PADI6: variants seen among roughly 807,000 people sequenced by gnomAD.
PADI6 encodes inactive protein-arginine deiminase type-6.
Under a neutral mutation model 78.2 loss-of-function variants are expected in PADI6, and 66 were observed. That is an observed-to-expected ratio of 0.84 (90% CI 0.69 to 1.04). PADI6 has a LOEUF of 1.04. Ranked by LOEUF, PADI6 falls within the 50% of genes least tolerant of loss-of-function variation. The pLI is 0.00. For synonymous variants in PADI6, 397 were observed against 346.9 expected (o/e 1.14, Z -1.60); for missense variants, 854 against 866.1 (o/e 0.99, Z 0.18).
At position 17,380,376 on chromosome 1, in the gene PADI6, AT is replaced by A. The variant is rs572210244; in HGVS notation, c.435+398del. Among the ~76,000 whole-genome samples, 37 of 146,798 alleles carry A rather than the reference AT, an allele frequency of 2.5e-4. No homozygotes were observed. In the East Asian group the frequency reaches 5.2e-3, roughly 21 times the overall value. On this transcript the variant is annotated intron_variant, in intron 4 of 15. Coordinates refer to ENST00000619609, the MANE Select transcript of PADI6 (RefSeq NM_207421.4). ...AAGCGTGTGCCACCACACCTGGCTAATTTTTTTTTGAGACGGAGTCTCGCTC... is the reference window on the plus strand; with the variant it reads ...AAGCGTGTGCCACCACACCTGGCTAATTTTTTTTGAGACGGAGTCTCGCTC...
chr1:17,394,272 C>A (rs1188624455), intron 10 of PADI6, 28 bp from the exon 11 acceptor site: 1 of 1,608,226 alleles, frequency 6.2e-7, no homozygotes, highest in East Asian at 2.2e-5. Context: ...CTACTAACAC[C>A]CCTTCCCTGG....
At chr1:17,393,944 G>A (rs187517746) in intron 9 of PADI6, 31 bp from the exon 10 acceptor site, 43 of 1,593,816 alleles carry the variant, frequency 2.7e-5, no homozygotes, top group Admixed American at 8.3e-5. Context: ...ATGTGTGACT[G>A]GCAAACAATC....
chr1:17,374,997 A>C (rs1185287462), intron 2 of PADI6, among the ~76,000 whole-genome samples: 2 of 152,138 alleles, frequency 1.3e-5, no homozygotes, highest in Non-Finnish European at 2.9e-5. Context: ...AAGCCACCAG[A>C]GGCCTGTTTC....
intron 9 of PADI6, among the ~76,000 whole-genome samples, chr1:17,393,124 T>TG (rs2075205488): frequency 6.6e-6 from 1 of 151,956 alleles, no homozygotes; most frequent in Non-Finnish European, 1.5e-5. Context: ...CCAGCCTGGA[T>TG]GACAGAGCGA....
At chr1:17,384,312 G>GGC (rs1236370692) in intron 6 of PADI6, among the ~76,000 whole-genome samples, 1 of 152,044 alleles carries the variant, frequency 6.6e-6, no homozygotes, top group Non-Finnish European at 1.5e-5. Context: ...TCTAGAAACA[G>GGC]GCTGGGTGTG....
chr1:17,394,195 G>A (rs1343501133), intron 10 of PADI6, 105 bp from the exon 11 acceptor site: 4 of 1,552,380 alleles, frequency 2.6e-6, no homozygotes, highest in East Asian at 4.6e-5. Flanking sequence ...CTCTGAGGGG[G>A]GAGGGGACGT....
At chr1:17,383,849 A>G (rs1427882772) in intron 6 of PADI6, among the ~76,000 whole-genome samples, 1 of 151,664 alleles carries the variant, frequency 6.6e-6, no homozygotes, top group Non-Finnish European at 1.5e-5. Context: ...TTTTAAAAAA[A>G]CTTATTCAAC....
intron 10 of PADI6, 57 bp downstream of exon 10, chr1:17,394,139 TGCCTA>T: frequency 6.3e-7 from 1 of 1,579,546 alleles, no homozygotes; most frequent in Admixed American, 1.7e-5. Flanking sequence ...GCCTGGGGCC[TGCCTA>T]GAAATAATGG....
rs560122599 is a variant in PADI6 at position 17,387,482 on chromosome 1, C to T, written c.680-899C>T. Reference sequence around the variant, plus strand: ...GAGGGGGGGGGGCCAGGCGTGGTAGCTCACACCTGTAATCCCAGCACTTTG... The same window carrying T: ...GAGGGGGGGGGGCCAGGCGTGGTAGTTCACACCTGTAATCCCAGCACTTTG... On this transcript the variant is annotated intron_variant, in intron 6 of 15. Coordinates refer to ENST00000619609, the MANE Select transcript of PADI6 (RefSeq NM_207421.4). Among the ~76,000 whole-genome samples, 350 of 151,918 alleles carry T rather than the reference C, an allele frequency of 2.3e-3. 6 individuals are homozygous for T. Among genetic ancestry groups the T allele is most frequent in the African/African-American group, 7.7e-3 (321 of 41,430 alleles).
intron 10 of PADI6, 91 bp downstream of exon 10, chr1:17,394,173 G>A (rs999984564): frequency 1.3e-6 from 2 of 1,521,126 alleles, no homozygotes; most frequent in Admixed American, 1.9e-5. Flanking sequence ...GTGGGGAGAG[G>A]GCCCAGGTGG....
chr1:17,375,465 C>T lies in PADI6; in HGVS notation c.333C>T (p.Pro111=), dbSNP rs775337851. The change falls in exon 3 of 16, where the codon CCC becomes CCT. Residue 111 remains proline (P), a synonymous_variant. Transcript: ENST00000619609. ...ACTATGGGCCCAACGAGGATGCCCC[C>T]GTGGGCACAGCTGTGCTGTACCTCA... ...VTYYGPNEDA[P]VGTAVLYLTG... 5.0e-6 allele frequency: 8 copies of T among 1,610,604 alleles called. No individual in the cohort carries two copies. Among genetic ancestry groups the T allele is most frequent in the Admixed American group, 3.4e-5 (2 of 59,638 alleles).
At chr1:17,385,112 C>A (rs1374187457) in intron 6 of PADI6, among the ~76,000 whole-genome samples, 2 of 152,180 alleles carry the variant, frequency 1.3e-5, no homozygotes, top group African/African-American at 4.8e-5. Context: ...GTAATCCCAG[C>A]ACTTTGGGAG....
At chr1:17,376,356 GT>G (rs1467369943) in intron 3 of PADI6, among the ~76,000 whole-genome samples, 2 of 151,746 alleles carry the variant, frequency 1.3e-5, no homozygotes, top group African/African-American at 4.8e-5. Flanking sequence ...CTGGAGTGCA[GT>G]GGCGCGATCT....
rs545334847 is a variant in PADI6 at position 17,385,276 on chromosome 1, T to C, written c.680-3105T>C. Among the ~76,000 whole-genome samples, 785 of 152,274 alleles carry C rather than the reference T, an allele frequency of 5.2e-3. 5 individuals are homozygous for C. The highest frequency in any genetic ancestry group is 0.018 in the African/African-American group (734 of 41,540). ...TTTGGTGTGATGGTTTTCTCCAGCATCTCAGGTGCAAGAGTGAGCTTTAAA... is the reference window on the plus strand; with the variant it reads ...TTTGGTGTGATGGTTTTCTCCAGCACCTCAGGTGCAAGAGTGAGCTTTAAA... On this transcript the variant is annotated intron_variant, in intron 6 of 15. Coordinates refer to ENST00000619609, the MANE Select transcript of PADI6 (RefSeq NM_207421.4).
intron 2 of PADI6, among the ~76,000 whole-genome samples, chr1:17,374,689 C>T (rs1354533176): frequency 1.3e-5 from 2 of 152,202 alleles, no homozygotes; most frequent in Non-Finnish European, 2.9e-5. Context: ...TCCAGACTAC[C>T]TGAGAACCAT....
At chr1:17,373,490 T>A (rs2074984325) in intron 2 of PADI6, among the ~76,000 whole-genome samples, 1 of 139,478 alleles carries the variant, frequency 7.2e-6, no homozygotes. Context: ...TTTATTTTCA[T>A]TTATTTATTA....
intron 6 of PADI6, among the ~76,000 whole-genome samples, chr1:17,383,370 G>A (rs1056266795): frequency 2.0e-5 from 3 of 152,206 alleles, no homozygotes; most frequent in Admixed American, 6.5e-5. Flanking sequence ...AGAGTGAGCC[G>A]AAGAAACCCA....
At chr1:17,377,560 T>TTC (rs1439107407) in intron 3 of PADI6, among the ~76,000 whole-genome samples, 1 of 152,180 alleles carries the variant, frequency 6.6e-6, no homozygotes, top group Non-Finnish European at 1.5e-5. Context: ...TGCAAATGGA[T>TTC]TCTCTCTACT....
intron 1 of PADI6, among the ~76,000 whole-genome samples, chr1:17,372,649 G>T (rs1175456698): frequency 6.6e-6 from 1 of 152,152 alleles, no homozygotes; most frequent in African/African-American, 2.4e-5. Flanking sequence ...GGCCTCGGGG[G>T]GCTGTGAGGA....
Sources: allele counts gnomAD v4.1 joint callset (sites outside exome capture counted in the v4.1 genomes callset), GRCh38; gene constraint gnomAD v4.1.1; transcripts MANE v1.5; gene names NCBI Gene and HGNC (gene_info 2026-07-23, HGNC 2026-07-21).